Variants in ZGRF1 observed in about 807,000 individuals in gnomAD.
The protein encoded by ZGRF1 is zinc finger GRF-type containing 1.
A neutral mutation model predicts 203.5 loss-of-function variants in ZGRF1; 196 were observed. That is an observed-to-expected ratio of 0.96 (90% confidence interval 0.86 to 1.08). The LOEUF is 1.08. ZGRF1 is among the 50% of genes least tolerant of loss of function. ZGRF1 has a pLI of 0.00. For missense variants in ZGRF1, 2,326 were observed against 2,416.3 expected (o/e 0.96, Z 0.78); for synonymous variants, 809 against 841.3 (o/e 0.96, Z 0.66).
rs374230171 is a variant in ZGRF1 at position 112,553,947 on chromosome 4, A to G, written c.5234T>C (p.Leu1745Ser). ...HAGSENESEQ[L>S]KELHALMKED... ...TTTCATTAGTGCATGTAGTTCTTTT[A>G]ACTGTTCACTTTCATTTTCTGAGCC... Residue 1745 changes from leucine to serine, a missense_variant, in exon 22 of 28, where the codon TTA (leucine) becomes TCA (serine). Coordinates refer to ENST00000505019, the MANE Select transcript of ZGRF1 (RefSeq NM_018392.5). 1.2e-6 allele frequency: 2 copies of G among 1,611,088 alleles called. No individual in the cohort carries two copies. The highest frequency in any genetic ancestry group is 1.7e-6 in the Non-Finnish European group (2 of 1,179,202).
rs1249059688 is a variant in ZGRF1, at chr4:112,619,417, C to T, written c.625G>A (p.Glu209Lys). 1.9e-6 allele frequency: 3 copies of T among 1,613,246 alleles called. No homozygotes were observed. The Admixed American group carries it at 5.0e-5, about 27-fold the overall frequency. Residue 209 changes from glutamate to lysine, a missense_variant, in exon 6 of 28, where the codon GAA (glutamate) becomes AAA (lysine). Coordinates refer to ENST00000505019, the MANE Select transcript of ZGRF1 (RefSeq NM_018392.5). Reference protein sequence around the residue: ...SFQINPEVLCEENYFCSPVNS... With the variant: ...SFQINPEVLCKENYFCSPVNS... ...ACAGGTGAGCAAAAATAATTTTCTT[C>T]ACACAGCACTTCTGGGTTAATCTGG...
At chr4:112,596,776 A>G (rs1749089874) in intron 10 of ZGRF1, among the ~76,000 whole-genome samples, 1 of 152,030 alleles carries the variant, frequency 6.6e-6, no homozygotes, top group Non-Finnish European at 1.5e-5. Flanking sequence ...AATTTTGTGT[A>G]GAGACAGGGT....
At chr4:112,625,312 C>A (rs1024892526) in intron 3 of ZGRF1, among the ~76,000 whole-genome samples, 1 of 151,464 alleles carries the variant, frequency 6.6e-6, no homozygotes, top group Non-Finnish European at 1.5e-5. Flanking sequence ...AATCGCCAGG[C>A]GCGGTGGCTC....
intron 16 of ZGRF1, among the ~76,000 whole-genome samples, chr4:112,581,425 TAATAAA>T (rs896690516): frequency 1.1e-4 from 17 of 150,444 alleles, no homozygotes; most frequent in South Asian, 4.2e-4. Context: ...ACTTAAAGTA[TAATAAA>T]AATAAAAATA....
chr4:112,616,524 C>CAAA (rs1359140414), intron 6 of ZGRF1, among the ~76,000 whole-genome samples: 1,081 of 81,318 alleles, frequency 0.013, 18 homozygotes, highest in African/African-American at 0.045. Flanking sequence ...GACTGTGTCT[C>CAAA]AAAAAAAAAA....
At chr4:112,542,021 G>A (rs1489850104) in intron 24 of ZGRF1, among the ~76,000 whole-genome samples, 1 of 152,040 alleles carries the variant, frequency 6.6e-6, no homozygotes, top group Non-Finnish European at 1.5e-5. Context: ...CTACTTTAAC[G>A]CTCTTCGAGC....
intron 10 of ZGRF1, among the ~76,000 whole-genome samples, chr4:112,594,955 C>T (rs998216924): frequency 5.3e-5 from 8 of 151,882 alleles, no homozygotes; most frequent in African/African-American, 1.7e-4. Context: ...AAAATTACTC[C>T]ACAGGCCAGG....
intron 20 of ZGRF1, among the ~76,000 whole-genome samples, chr4:112,555,134 CAT>C (rs745478855): frequency 2.6e-5 from 4 of 152,202 alleles, no homozygotes; most frequent in Non-Finnish European, 5.9e-5. Flanking sequence ...AGCCTCTTTA[CAT>C]ATGTTATACT....
At chr4:112,565,153 C>T in intron 16 of ZGRF1, 2 of 1,461,674 alleles carry the variant, frequency 1.4e-6, no homozygotes, top group South Asian at 1.1e-5. Context: ...TAGATGTTAT[C>T]AGAAGTCCAC....
intron 24 of ZGRF1, among the ~76,000 whole-genome samples, chr4:112,544,248 C>T (rs750822351): frequency 9.2e-5 from 14 of 152,098 alleles, no homozygotes; most frequent in Non-Finnish European, 1.9e-4. Context: ...ATAAAGCTGC[C>T]TTGTAGAATC....
chr4:112,553,019 G>A (rs1281373147), intron 22 of ZGRF1, among the ~76,000 whole-genome samples: 1 of 152,216 alleles, frequency 6.6e-6, no homozygotes, highest in African/African-American at 2.4e-5. Context: ...TTGACCTGTA[G>A]AGTCATAAGC....
intron 21 of ZGRF1, among the ~76,000 whole-genome samples, chr4:112,554,256 T>C (rs557094164): frequency 3.0e-5 from 4 of 134,856 alleles, no homozygotes; most frequent in Non-Finnish European, 4.6e-5. Flanking sequence ...CCTGTGTCCA[T>C]GTGTTCTCAT....
intron 10 of ZGRF1, among the ~76,000 whole-genome samples, chr4:112,591,111 C>G (rs141253093): frequency 4.9e-4 from 75 of 152,196 alleles, no homozygotes; most frequent in African/African-American, 1.8e-3. Flanking sequence ...TGGGAAATTA[C>G]AATCATCACT....
chr4:112,572,170 A>C (rs1744322151), intron 16 of ZGRF1, among the ~76,000 whole-genome samples: 1 of 152,236 alleles, frequency 6.6e-6, no homozygotes, highest in Non-Finnish European at 1.5e-5. Context: ...TCTCATAGCC[A>C]CCAAAACAGC....
intron 16 of ZGRF1, among the ~76,000 whole-genome samples, chr4:112,568,441 T>A (rs774970745): frequency 6.6e-5 from 10 of 152,124 alleles, no homozygotes; most frequent in Non-Finnish European, 1.0e-4. Context: ...CCAGGTGTGG[T>A]GGCTCACGCT....
chr4:112,600,394 T>C (rs1749754794), intron 10 of ZGRF1, among the ~76,000 whole-genome samples: 1 of 152,118 alleles, frequency 6.6e-6, no homozygotes, highest in African/African-American at 2.4e-5. Flanking sequence ...ATAAATTACA[T>C]TAAAAATGAT....
intron 20 of ZGRF1, among the ~76,000 whole-genome samples, chr4:112,555,366 G>A (rs993240482): frequency 1.3e-5 from 2 of 152,140 alleles, no homozygotes; most frequent in Non-Finnish European, 2.9e-5. Flanking sequence ...ACTATGCTGG[G>A]AACACAGGTG....
chr4:112,565,205 G>A (rs767466099), intron 16 of ZGRF1: 33 of 1,581,470 alleles, frequency 2.1e-5, no homozygotes, highest in East Asian at 1.1e-4. Context: ...CGTCTGGTGC[G>A]AGAAATTGCT....
intron 1 of ZGRF1, among the ~76,000 whole-genome samples, chr4:112,635,743 A>T (rs1057477000): frequency 6.6e-6 from 1 of 151,648 alleles, no homozygotes; most frequent in Admixed American, 6.6e-5. Flanking sequence ...TACATACAGT[A>T]TTTATCAGTC....
Sources: gnomAD v4.1 joint callset for allele counts (sites outside exome capture counted in the v4.1 genomes callset) on GRCh38, gnomAD v4.1.1 for gene constraint, MANE v1.5 for transcripts, NCBI Gene and HGNC (gene_info 2026-07-23, HGNC 2026-07-21) for gene names.